RBFOX1: variants seen among roughly 807,000 people sequenced by gnomAD.
RBFOX1 encodes RNA binding protein fox-1 homolog 1.
In RBFOX1, 8 loss-of-function variants were observed where a neutral mutation model predicts 57.7. That is an observed-to-expected ratio of 0.14 (90% CI 0.08 to 0.25). RBFOX1 has a LOEUF of 0.25. RBFOX1 is among the 10% of genes least tolerant of loss of function. The pLI is 1.00. For synonymous variants in RBFOX1, 326 were observed against 222.4 expected, an observed-to-expected ratio of 1.47 and a Z score of -4.15; for missense variants, 611 against 548.5, an observed-to-expected ratio of 1.11 and a Z score of -1.14.
chr16:5,870,034 C>A (rs189605813), intron 4 of RBFOX1, among the ~76,000 whole-genome samples: 4 of 151,782 alleles, frequency 2.6e-5, no homozygotes, highest in Non-Finnish European at 4.4e-5. Flanking sequence ...CTGTATGACT[C>A]TTAGTAATAT....
chr16:6,250,567 T>G (rs2152944255), intron 1 of RBFOX1, among the ~76,000 whole-genome samples: 1 of 152,308 alleles, frequency 6.6e-6, no homozygotes, highest in South Asian at 2.1e-4. Context: ...GAGCCCTAGT[T>G]AATTTTCATG....
In RBFOX1 at chr16:6,759,503, GTGTGTGTGT is replaced by G. The variant is rs1567136206; in HGVS notation, c.-16+104854_-16+104862del. Among the ~76,000 whole-genome samples, 4 of 151,162 alleles carry G rather than the reference GTGTGTGTGT, an allele frequency of 2.6e-5. No homozygotes were observed. The Admixed American group carries it at 2.6e-4, about 10-fold the overall frequency. On this transcript the variant is annotated intron_variant, in intron 3 of 15. Transcript: ENST00000550418. ...TGTGTGTGTGTGTGTGTGTGTGTGT[GTGTGTGTGT>G]GTGTGTGTGTATTTTCAGTTTTTGT...
intron 1 of RBFOX1, among the ~76,000 whole-genome samples, chr16:6,246,492 G>C (rs760401650): frequency 2.0e-5 from 3 of 152,080 alleles, no homozygotes; most frequent in African/African-American, 7.2e-5. Context: ...GCTTGGCTTT[G>C]AGCTCACCCA....
chr16:6,623,240 C>A (rs1424211073), intron 2 of RBFOX1, among the ~76,000 whole-genome samples: 1 of 152,086 alleles, frequency 6.6e-6, no homozygotes, highest in East Asian at 1.9e-4. Flanking sequence ...TGGGAGGGGG[C>A]TGCTTTTGTG....
chr16:5,824,139 T>C (rs765875256), intron 3 of RBFOX1, among the ~76,000 whole-genome samples: 5 of 152,220 alleles, frequency 3.3e-5, no homozygotes, highest in Non-Finnish European at 5.9e-5. Flanking sequence ...AGTGCTCTTA[T>C]CCACTTTGAG....
chr16:7,433,770 C>T (rs984395827), intron 4 of RBFOX1, among the ~76,000 whole-genome samples: 1 of 152,174 alleles, frequency 6.6e-6, no homozygotes, highest in Non-Finnish European at 1.5e-5. Flanking sequence ...AGTCATCTAA[C>T]TATCCATCCA....
At chr16:6,048,508 T>C (rs1007070420) in intron 1 of RBFOX1, among the ~76,000 whole-genome samples, 2 of 152,220 alleles carry the variant, frequency 1.3e-5, no homozygotes, top group South Asian at 2.1e-4. Context: ...TACGTGCCTT[T>C]TCAAATGATG....
chr16:7,426,039 C>A (rs1045718744), intron 4 of RBFOX1, among the ~76,000 whole-genome samples: 1 of 152,178 alleles, frequency 6.6e-6, no homozygotes, highest in Non-Finnish European at 1.5e-5. Context: ...TCGGGAGAGA[C>A]CCACTGAGGC....
At chr16:7,069,557 G>A (rs957454469) in intron 4 of RBFOX1, among the ~76,000 whole-genome samples, 2 of 152,102 alleles carry the variant, frequency 1.3e-5, no homozygotes, top group South Asian at 4.1e-4. Context: ...TCTTCATAAG[G>A]GCTATTTTTC....
chr16:5,413,466 C>G (rs935391792), intron 1 of RBFOX1, among the ~76,000 whole-genome samples: 1 of 152,206 alleles, frequency 6.6e-6, no homozygotes, highest in African/African-American at 2.4e-5. Context: ...CAATAAAATT[C>G]AGCTTCTCAG....
intron 1 of RBFOX1, among the ~76,000 whole-genome samples, chr16:6,104,132 AACACACAC>A (rs112249231): frequency 2.3e-4 from 34 of 148,470 alleles, no homozygotes; most frequent in African/African-American, 8.2e-4. Flanking sequence ...TCCCAGTTGA[AACACACAC>A]ACACACACAC....
chr16:6,952,129 C>G (rs2080893622), intron 3 of RBFOX1, among the ~76,000 whole-genome samples: 1 of 152,162 alleles, frequency 6.6e-6, no homozygotes, highest in Non-Finnish European at 1.5e-5. Flanking sequence ...TATTTCCCCA[C>G]AAGTGCTTCG....
intron 2 of RBFOX1, among the ~76,000 whole-genome samples, chr16:6,523,090 A>C (rs2096530897): frequency 6.6e-6 from 1 of 152,174 alleles, no homozygotes. Flanking sequence ...CTTTAAAATA[A>C]TCTTATGTGT....
chr16:5,978,051 T>G lies in RBFOX1; in HGVS notation c.351+110716T>G, dbSNP rs577643742. Reference sequence around the variant, plus strand: ...CGCCCCCAGTTTTGTAAAGTAAGCTTTCCAAAGTGGAAGGATCACTTGCAG... The same window carrying G: ...CGCCCCCAGTTTTGTAAAGTAAGCTGTCCAAAGTGGAAGGATCACTTGCAG... On this transcript the variant is annotated intron_variant, in intron 4 of 19. Transcript: ENST00000641259. Among the ~76,000 whole-genome samples, 4 of 143,112 alleles carry G rather than the reference T, an allele frequency of 2.8e-5. No individual in the cohort carries two copies. In the South Asian group the frequency reaches 8.7e-4, roughly 31 times the overall value. The allele number at this position is 143,112 out of a possible 152,430, so 93.9% of individuals were successfully genotyped here. A position where few individuals can be genotyped will look rare whatever the true frequency, so the allele number is the denominator to read the frequency against.
At chr16:5,670,757 G>C (rs1160384126) in intron 3 of RBFOX1, among the ~76,000 whole-genome samples, 1 of 152,148 alleles carries the variant, frequency 6.6e-6, no homozygotes, top group Non-Finnish European at 1.5e-5. Context: ...GGTTTTCTTA[G>C]ACCTGTCAAC....
At chr16:5,818,715 A>G (rs140745596) in intron 3 of RBFOX1, among the ~76,000 whole-genome samples, 1 of 152,214 alleles carries the variant, frequency 6.6e-6, no homozygotes, top group Non-Finnish European at 1.5e-5. Context: ...GACAACAAAG[A>G]ATGAGCTTCA....
chr16:6,498,898 A>T (rs1049017665), intron 2 of RBFOX1, among the ~76,000 whole-genome samples: 1 of 152,126 alleles, frequency 6.6e-6, no homozygotes, highest in Non-Finnish European at 1.5e-5. Context: ...TACTGACACC[A>T]CCTTCTATAG....
intron 4 of RBFOX1, among the ~76,000 whole-genome samples, chr16:7,430,858 G>C (rs1237670464): frequency 6.6e-6 from 1 of 152,150 alleles, no homozygotes; most frequent in African/African-American, 2.4e-5. Flanking sequence ...AGGGGGCTTG[G>C]TTATCATGAA....
At chr16:7,149,308 T>G (rs564212602) in intron 4 of RBFOX1, among the ~76,000 whole-genome samples, 1 of 152,152 alleles carries the variant, frequency 6.6e-6, no homozygotes, top group African/African-American at 2.4e-5. Flanking sequence ...GTCATACCAC[T>G]CAGGATGCAG....
Sources: allele counts gnomAD v4.1 joint callset (sites outside exome capture counted in the v4.1 genomes callset), GRCh38; gene constraint gnomAD v4.1.1; transcripts MANE v1.5; gene names NCBI Gene and HGNC (gene_info 2026-07-23, HGNC 2026-07-21).